PRKN: variants seen among roughly 807,000 people sequenced by gnomAD.
The protein encoded by PRKN is parkin RBR E3 ubiquitin protein ligase.
A neutral mutation model predicts 59.5 loss-of-function variants in PRKN; 56 were observed. The ratio of observed to expected loss-of-function variants is 0.94; its 90% CI spans 0.76 to 1.18. PRKN has a LOEUF of 1.18. Ranked by LOEUF, PRKN falls within the 50% of genes most tolerant of loss-of-function variation. PRKN has a pLI of 0.00. For missense variants in PRKN, 657 were observed against 596.4 expected, an observed-to-expected ratio of 1.10 and a Z score of -1.06; for synonymous variants, 250 against 222.1, an observed-to-expected ratio of 1.13 and a Z score of -1.12.
intron 6 of PRKN, among the ~76,000 whole-genome samples, chr6:161,885,845 C>T (rs1795129134): frequency 6.6e-6 from 1 of 152,086 alleles, no homozygotes; most frequent in Non-Finnish European, 1.5e-5. Flanking sequence ...ACACTGGCTC[C>T]ATCATTCAGA....
chr6:161,484,541 A>G lies in PRKN; in HGVS notation c.1083+64313T>C, dbSNP rs1663627555. Among the ~76,000 whole-genome samples, 1 of 152,158 alleles carries G rather than the reference A, an allele frequency of 6.6e-6. No individual in the cohort carries two copies. Among genetic ancestry groups the G allele is most frequent in the Non-Finnish European group, 1.5e-5 (1 of 68,042 alleles). ...GGGATTCACTCTTTTTAAAGATGAG[A>G]CAGTTGACACTTGGGAAGCTTAGGA... On this transcript the variant is annotated intron_variant, in intron 9 of 11. Coordinates refer to ENST00000366898, the MANE Select transcript of PRKN (RefSeq NM_004562.3). The surrounding 1 kb of genome is among the most constrained non-coding windows in gnomAD (Gnocchi z 4.9).
At chr6:162,197,938 T>C (rs1222356202) in intron 4 of PRKN, among the ~76,000 whole-genome samples, 1 of 152,172 alleles carries the variant, frequency 6.6e-6, no homozygotes, top group Non-Finnish European at 1.5e-5. Flanking sequence ...AGACCCAAGC[T>C]GAAAGTTATC....
chr6:162,718,042 A>G (rs1045636793), intron 1 of PRKN, among the ~76,000 whole-genome samples: 1 of 152,226 alleles, frequency 6.6e-6, no homozygotes, highest in Non-Finnish European at 1.5e-5. Context: ...ATATTTTTAC[A>G]TATACAAATG....
chr6:161,978,016 G>GTATTTTATTGTATTT (rs1554256921), intron 5 of PRKN, among the ~76,000 whole-genome samples: 63 of 148,596 alleles, frequency 4.2e-4, no homozygotes, highest in African/African-American at 1.5e-3. Context: ...TTATTTTATT[G>GTATTTTATTGTATTT]TATTTTATTT....
chr6:161,924,647 A>G (rs1778900959), intron 6 of PRKN, among the ~76,000 whole-genome samples: 1 of 152,222 alleles, frequency 6.6e-6, no homozygotes, highest in Admixed American at 6.5e-5. Context: ...AGAAAAGGTG[A>G]CTCATTCTTC....
chr6:162,447,549 C>T (rs1308403891), intron 1 of PRKN, among the ~76,000 whole-genome samples: 1 of 151,908 alleles, frequency 6.6e-6, no homozygotes, highest in Non-Finnish European at 1.5e-5. Flanking sequence ...ATCCAGATTC[C>T]TTTTTTATGA....
At chr6:162,668,917 G>T (rs1198182003) in intron 1 of PRKN, among the ~76,000 whole-genome samples, 3 of 152,184 alleles carry the variant, frequency 2.0e-5, no homozygotes, top group South Asian at 2.1e-4. Flanking sequence ...GGTGGCCCTG[G>T]TGGTGGTGGT....
chr6:161,911,622 T>C (rs1025533304), intron 6 of PRKN, among the ~76,000 whole-genome samples: 1 of 152,132 alleles, frequency 6.6e-6, no homozygotes, highest in African/African-American at 2.4e-5. Context: ...CTTGGTGTTA[T>C]TGTCACTGGA....
intron 2 of PRKN, among the ~76,000 whole-genome samples, chr6:162,310,909 C>T (rs1050099576): frequency 2.0e-5 from 3 of 151,894 alleles, no homozygotes; most frequent in African/African-American, 7.3e-5. Flanking sequence ...TGTTAGTGTC[C>T]ATATTATTAC....
chr6:162,187,520 C>T (rs556453452), intron 4 of PRKN, among the ~76,000 whole-genome samples: 1 of 152,072 alleles, frequency 6.6e-6, no homozygotes, highest in Admixed American at 6.6e-5. Context: ...AGGATGCCCC[C>T]CACCCCAATA....
chr6:162,098,322 CTGGGAG>C (rs1275049573), intron 4 of PRKN, among the ~76,000 whole-genome samples: 1 of 152,144 alleles, frequency 6.6e-6, no homozygotes, highest in Non-Finnish European at 1.5e-5. Flanking sequence ...ATTCAGGCAA[CTGGGAG>C]TGGGCATACC....
rs1008450916 is a variant in PRKN, at chr6:161,551,172, A to C, written c.934-2169T>G. On this transcript the variant is annotated intron_variant, in intron 8 of 11. Transcript: ENST00000366898. This position sits in a 1 kb window ranked among gnomAD's most constrained non-coding sequence, Gnocchi z 5.2. ...TTCATCAGGTAATGAATGATGAGAC[A>C]GTTTATGTAACTGAGAGATTGCCTG... is the stretch of plus-strand genomic sequence containing the variant. 6.6e-6 allele frequency among the ~76,000 whole-genome samples: 1 copy of C among 152,186 alleles called. No individual in the cohort carries two copies. The highest frequency in any genetic ancestry group is 2.4e-5 in the African/African-American group (1 of 41,452).
intron 1 of PRKN, among the ~76,000 whole-genome samples, chr6:162,657,946 A>G (rs1291206762): frequency 6.6e-6 from 1 of 152,212 alleles, no homozygotes; most frequent in Non-Finnish European, 1.5e-5. Context: ...GAAGAAGATG[A>G]CATAGGTATT....
At chr6:161,852,400 C>A (rs1184438480) in intron 6 of PRKN, among the ~76,000 whole-genome samples, 4 of 152,078 alleles carry the variant, frequency 2.6e-5, no homozygotes, top group Admixed American at 1.3e-4. Context: ...CTGCAATGAG[C>A]TATGATCACA....
intron 2 of PRKN, among the ~76,000 whole-genome samples, chr6:162,373,127 C>A (rs1013285716): frequency 1.2e-4 from 18 of 149,156 alleles, no homozygotes; most frequent in African/African-American, 4.5e-4. Flanking sequence ...ACCTGAATAA[C>A]TGGAACAGAA....
At chr6:161,674,976 G>C (rs1006245281) in intron 7 of PRKN, among the ~76,000 whole-genome samples, 1 of 152,172 alleles carries the variant, frequency 6.6e-6, no homozygotes, top group Non-Finnish European at 1.5e-5. Flanking sequence ...CTATTGATTA[G>C]CTCTGGGTGT....
At chr6:161,495,423 G>A (rs1394792997) in intron 9 of PRKN, among the ~76,000 whole-genome samples, 3 of 152,206 alleles carry the variant, frequency 2.0e-5, no homozygotes, top group African/African-American at 4.8e-5. Context: ...CACTGGGCAC[G>A]TGTCTGCCAG....
chr6:161,680,780 T>TTGTTTTTG (rs1562604169), intron 7 of PRKN, among the ~76,000 whole-genome samples: 1 of 99,116 alleles, frequency 1.0e-5, no homozygotes, highest in Non-Finnish European at 2.0e-5. Flanking sequence ...TATATATTTT[T>TTGTTTTTG]TTTTTTTTTT....
chr6:162,188,191 C>A (rs1328746089), intron 4 of PRKN, among the ~76,000 whole-genome samples: 6 of 152,130 alleles, frequency 3.9e-5, no homozygotes, highest in Admixed American at 3.3e-4. Context: ...ATCCAATAAA[C>A]CTCTTTCTTT....
Sources: gnomAD v4.1 joint callset for allele counts (sites outside exome capture counted in the v4.1 genomes callset) on GRCh38, gnomAD v4.1.1 for gene constraint, Gnocchi (gnomAD v3.1) non-coding constraint, MANE v1.5 for transcripts, NCBI Gene and HGNC (gene_info 2026-07-23, HGNC 2026-07-21) for gene names.